Variants in ST3GAL2 observed in about 807,000 individuals in gnomAD.
ST3GAL2 encodes the protein ST3 beta-galactoside alpha-2,3-sialyltransferase 2, also known as CMP-N-acetylneuraminate-beta-galactosamide-alpha-2,3-sialyltransferase 2.
Under a neutral mutation model 37.5 loss-of-function variants are expected in ST3GAL2, and 16 were observed. The ratio of observed to expected loss-of-function variants is 0.43; its 90% CI spans 0.29 to 0.65. The LOEUF (loss-of-function observed/expected upper bound fraction) is 0.65. ST3GAL2 is among the 30% of genes least tolerant of loss of function. The probability of loss-of-function intolerance (pLI) is 0.17; values close to 1 mark genes in which losing one functional copy is unlikely to be tolerated. For synonymous variants in ST3GAL2, 238 were observed against 202.9 expected (o/e 1.17, Z -1.47); for missense variants, 383 against 487.8 (o/e 0.79, Z 2.02).
chr16:70,431,450 C>T (rs1211599679), intron 1 of ST3GAL2, among the ~76,000 whole-genome samples: 1 of 152,200 alleles, frequency 6.6e-6, no homozygotes, highest in African/African-American at 2.4e-5. Flanking sequence ...CTGGGCCCCG[C>T]AATGCCACCT....
chr16:70,416,247 C>A (rs1489379434), intron 1 of ST3GAL2, among the ~76,000 whole-genome samples: 6 of 152,118 alleles, frequency 3.9e-5, no homozygotes, highest in Non-Finnish European at 7.3e-5. Context: ...ATTCATGCAG[C>A]GAGGTCAAGA....
chr16:70,393,481 A>T (rs2151661272), intron 3 of ST3GAL2, among the ~76,000 whole-genome samples: 1 of 152,312 alleles, frequency 6.6e-6, no homozygotes, highest in South Asian at 2.1e-4. Context: ...CTTCCTGACC[A>T]TCACTGAGGT....
intron 3 of ST3GAL2, among the ~76,000 whole-genome samples, chr16:70,393,371 T>C (rs567355845): frequency 6.6e-6 from 1 of 152,296 alleles, no homozygotes; most frequent in African/African-American, 2.4e-5. Flanking sequence ...AGCCACAGCA[T>C]GTGCAGCCTT....
chr16:70,436,144 C>T (rs1455468824), intron 1 of ST3GAL2, among the ~76,000 whole-genome samples: 2 of 145,776 alleles, frequency 1.4e-5, no homozygotes, highest in Non-Finnish European at 3.0e-5. Context: ...AAAAAGACAT[C>T]TGGCCAGGAG....
At chr16:70,404,509 C>T (rs2047576011) in intron 1 of ST3GAL2, among the ~76,000 whole-genome samples, 1 of 152,104 alleles carries the variant, frequency 6.6e-6, no homozygotes, top group Admixed American at 6.6e-5. Context: ...CACTTCCTGC[C>T]CATCAGGGTG....
chr16:70,405,737 G>A (rs2151667256), intron 1 of ST3GAL2, among the ~76,000 whole-genome samples: 1 of 151,968 alleles, frequency 6.6e-6, no homozygotes, highest in South Asian at 2.1e-4. Flanking sequence ...CTGGGGTGAT[G>A]TTCCAAAATT....
At chr16:70,392,826 C>T (rs1287288886) in intron 3 of ST3GAL2, among the ~76,000 whole-genome samples, 4 of 152,106 alleles carry the variant, frequency 2.6e-5, no homozygotes, top group African/African-American at 9.7e-5. Context: ...GCTCTGTTGC[C>T]CAGGCTGGAG....
At chr16:70,434,282 C>T (rs2047810454) in intron 1 of ST3GAL2, among the ~76,000 whole-genome samples, 1 of 152,034 alleles carries the variant, frequency 6.6e-6, no homozygotes, top group South Asian at 2.1e-4. Flanking sequence ...AGTAACAATA[C>T]AAAAATTAGC....
chr16:70,388,073 T>C (rs1179409170), intron 4 of ST3GAL2, among the ~76,000 whole-genome samples: 2 of 151,324 alleles, frequency 1.3e-5, no homozygotes, highest in East Asian at 3.9e-4. Context: ...GATCGCGCCA[T>C]TGCACCCCGG....
chr16:70,389,636 T>C (rs1422628894), intron 3 of ST3GAL2, among the ~76,000 whole-genome samples: 3 of 151,850 alleles, frequency 2.0e-5, no homozygotes. Context: ...AGCTAATTTT[T>C]TGTATTTTCA....
intron 3 of ST3GAL2, among the ~76,000 whole-genome samples, chr16:70,392,538 C>A (rs1348507279): frequency 6.6e-6 from 1 of 152,198 alleles, no homozygotes; most frequent in Non-Finnish European, 1.5e-5. Flanking sequence ...GTCTAGCGGG[C>A]ACTGTTCTTG....
At position 70,395,183 on chromosome 16, in the gene ST3GAL2, A is replaced by G. The variant is rs779576083; in HGVS notation, c.340-8T>C. On this transcript the variant is annotated splice_region_variant and splice_polypyrimidine_tract_variant and intron_variant, in intron 2 of 6. Transcript: ENST00000342907. ...GAACTGGGGCTGCAGCATCTGTGGA[A>G]GGGAGGGGAAGATGGGAAACGAGGA... is the stretch of plus-strand genomic sequence containing the variant. 1 of 1,589,740 alleles carries G rather than the reference A, an allele frequency of 6.3e-7. No homozygotes were observed. Among genetic ancestry groups the G allele is most frequent in the East Asian group, 2.3e-5 (1 of 43,692 alleles).
chr16:70,408,890 CAAAAAAAAAAAAAAA>C (rs59060353), intron 1 of ST3GAL2, among the ~76,000 whole-genome samples: 67 of 59,866 alleles, frequency 1.1e-3, no homozygotes, highest in South Asian at 2.3e-3. Context: ...CTCAAAGAAA[CAAAAAAAAAAAAAAA>C]AAAAAAAAAA....
chr16:70,424,349 C>A (rs1348846213), intron 1 of ST3GAL2, among the ~76,000 whole-genome samples: 2 of 149,864 alleles, frequency 1.3e-5, no homozygotes, highest in Non-Finnish European at 3.0e-5. Context: ...TGCCTATAAT[C>A]CCAGCACTTT....
At chr16:70,419,525 G>T (rs780431909) in intron 1 of ST3GAL2, among the ~76,000 whole-genome samples, 2 of 152,174 alleles carry the variant, frequency 1.3e-5, no homozygotes, top group African/African-American at 4.8e-5. Flanking sequence ...AGAGGGCAGC[G>T]GCACAGTGAC....
chr16:70,413,142 C>G (rs999838724), intron 1 of ST3GAL2, among the ~76,000 whole-genome samples: 1 of 151,730 alleles, frequency 6.6e-6, no homozygotes, highest in African/African-American at 2.4e-5. Flanking sequence ...CCTAGCTACT[C>G]GGGAGGCTGA....
At chr16:70,405,929 C>T (rs548945932) in intron 1 of ST3GAL2, among the ~76,000 whole-genome samples, 112 of 151,730 alleles carry the variant, frequency 7.4e-4, no homozygotes, top group African/African-American at 2.5e-3. Context: ...GGCATGGTGG[C>T]GGGCGCCTGT....
Position 70,381,166 on chromosome 16 carries a change from G to A in ST3GAL2, c.*523C>T, listed in dbSNP as rs1056097361. On this transcript the variant is annotated 3_prime_UTR_variant, in exon 7 of 7. Transcript: ENST00000342907. ...GAGGTGGGACTGGGGGTCCCGCAGCGACCGCTTTTCTTTGGTGGGTCTGCA... is the reference window on the plus strand; with the variant it reads ...GAGGTGGGACTGGGGGTCCCGCAGCAACCGCTTTTCTTTGGTGGGTCTGCA... The A allele has an allele frequency of 6.6e-6, 1 of 152,442 alleles. No homozygotes were observed. The highest frequency in any genetic ancestry group is 2.4e-5 in the African/African-American group (1 of 41,446). 9.4% of individuals were successfully genotyped at this position (152,442 alleles called of 1,614,324 possible). A position where few individuals can be genotyped will look rare whatever the true frequency, so the allele number is the denominator to read the frequency against.
chr16:70,434,999 G>T (rs1305552861), intron 1 of ST3GAL2, among the ~76,000 whole-genome samples: 1 of 152,214 alleles, frequency 6.6e-6, no homozygotes, highest in Non-Finnish European at 1.5e-5. Context: ...CCAGTGTGCA[G>T]CCATGGCAGG....
Sources: allele counts gnomAD v4.1 joint callset (sites outside exome capture counted in the v4.1 genomes callset), GRCh38; gene constraint gnomAD v4.1.1; transcripts MANE v1.5; gene names NCBI Gene and HGNC (gene_info 2026-07-23, HGNC 2026-07-21).